RBFOX1: variants seen among roughly 807,000 people sequenced by gnomAD.
RBFOX1 encodes the protein RNA binding fox-1 homolog 1.
In RBFOX1, 8 loss-of-function variants were observed where a neutral mutation model predicts 57.7. That is an observed-to-expected ratio of 0.14 (90% CI 0.08 to 0.25). The LOEUF is 0.25. RBFOX1 is among the 10% of genes least tolerant of loss of function. RBFOX1 has a pLI of 1.00. For missense variants in RBFOX1, 611 were observed against 548.5 expected (o/e 1.11, Z -1.14); for synonymous variants, 326 against 222.4 (o/e 1.47, Z -4.15).
At chr16:6,485,007 G>T (rs72760956) in intron 2 of RBFOX1, among the ~76,000 whole-genome samples, 26,794 of 152,032 alleles carry the variant, frequency 0.18, 2,406 homozygotes, top group Middle Eastern at 0.21. Context: ...CCTATTTTTT[G>T]ATTTAAATGT....
intron 3 of RBFOX1, among the ~76,000 whole-genome samples, chr16:7,042,714 T>A (rs2046572279): frequency 6.6e-6 from 1 of 152,112 alleles, no homozygotes; most frequent in Non-Finnish European, 1.5e-5. Flanking sequence ...TCATTTGAGG[T>A]CAGGAGTTCA....
chr16:6,784,948 C>G (rs952658630), intron 3 of RBFOX1, among the ~76,000 whole-genome samples: 3 of 152,040 alleles, frequency 2.0e-5, no homozygotes, highest in Admixed American at 2.0e-4. Context: ...AGCAGTGTTT[C>G]TTAACTGCTC....
In RBFOX1 at chr16:7,287,600, T is replaced by C. The variant is rs372711245; in HGVS notation, c.28-230547T>C. 4.6e-5 allele frequency among the ~76,000 whole-genome samples: 7 copies of C among 152,290 alleles called. No homozygotes were observed. In the East Asian group the frequency reaches 1.2e-3, roughly 25 times the overall value. On this transcript the variant is annotated intron_variant, in intron 4 of 15. Transcript: ENST00000550418. ...AAATGGAAGAAGATAAAACCTTTTA[T>C]TTTTCCTTATAATGAAAGTACTTCA...
At chr16:7,554,491 G>A (rs1021899808) in intron 5 of RBFOX1, among the ~76,000 whole-genome samples, 5 of 152,024 alleles carry the variant, frequency 3.3e-5, no homozygotes, top group South Asian at 2.1e-4. Flanking sequence ...AGCCTGAGTC[G>A]TGTAGACTAA....
At chr16:5,871,534 C>T (rs930282476) in intron 4 of RBFOX1, among the ~76,000 whole-genome samples, 1 of 152,134 alleles carries the variant, frequency 6.6e-6, no homozygotes, top group Admixed American at 6.5e-5. Flanking sequence ...ACACATTTCC[C>T]CCCTATTTAT....
intron 4 of RBFOX1, among the ~76,000 whole-genome samples, chr16:7,174,819 A>C (rs139646334): frequency 2.0e-5 from 3 of 152,076 alleles, no homozygotes; most frequent in African/African-American, 7.2e-5. Flanking sequence ...CCATTAAAGT[A>C]TTTTTCCAAA....
rs562789424 is a variant in RBFOX1, at chr16:7,013,434, A to G, written c.-15-38623A>G. 2.6e-5 allele frequency among the ~76,000 whole-genome samples: 4 copies of G among 152,300 alleles called. No homozygotes were observed. The South Asian group carries it at 8.3e-4, about 32-fold the overall frequency. ...ATGTCTGGAGACATGTTTGGTTGCTACGACTGGGAAGAGGATGCTACTCGC... is the reference window on the plus strand; with the variant it reads ...ATGTCTGGAGACATGTTTGGTTGCTGCGACTGGGAAGAGGATGCTACTCGC... On this transcript the variant is annotated intron_variant, in intron 3 of 15. Coordinates refer to ENST00000550418, the MANE Select transcript of RBFOX1 (RefSeq NM_018723.4).
chr16:6,392,779 C>G (rs1285518670), intron 2 of RBFOX1, among the ~76,000 whole-genome samples: 1 of 152,206 alleles, frequency 6.6e-6, no homozygotes, highest in Non-Finnish European at 1.5e-5. Context: ...AATTAAAAAG[C>G]ATCCCTCAAA....
In RBFOX1 at chr16:5,834,616, A is replaced by AGATAGATT. The variant is rs1303254002; in HGVS notation, c.319-32684_319-32677dup. On this transcript the variant is annotated intron_variant, in intron 3 of 19. Transcript: ENST00000641259. ...TAGATAGATAGATAGATAGATAGAT[A>AGATAGATT]GATAGATTGACTGATTTGTTTTCTG... Among the ~76,000 whole-genome samples the AGATAGATT allele has an allele frequency of 3.2e-4, 49 of 151,600 alleles. 1 individual carries two copies. The highest frequency in any genetic ancestry group is 1.1e-3 in the African/African-American group (45 of 41,120).
intron 3 of RBFOX1, among the ~76,000 whole-genome samples, chr16:6,742,757 T>C (rs2072581517): frequency 6.6e-6 from 1 of 152,156 alleles, no homozygotes; most frequent in East Asian, 1.9e-4. Flanking sequence ...GACTATACAA[T>C]GTCATTTATA....
chr16:6,988,339 C>A (rs1425334460), intron 3 of RBFOX1, among the ~76,000 whole-genome samples: 6 of 152,098 alleles, frequency 3.9e-5, no homozygotes. Context: ...TGTTTATAAT[C>A]TTACTGTCCA....
At chr16:5,810,307 C>G (rs2055375350) in intron 3 of RBFOX1, among the ~76,000 whole-genome samples, 1 of 151,878 alleles carries the variant, frequency 6.6e-6, no homozygotes, top group Non-Finnish European at 1.5e-5. Context: ...CACATGTATC[C>G]TAAAACTTAA....
chr16:5,448,583 G>A (rs992655380), intron 1 of RBFOX1, among the ~76,000 whole-genome samples: 1 of 152,140 alleles, frequency 6.6e-6, no homozygotes, highest in Non-Finnish European at 1.5e-5. Flanking sequence ...AGACCCCATG[G>A]AACTGCACTG....
chr16:6,940,763 A>AGTGTGTGTGTGTGTGT (rs61349150), intron 3 of RBFOX1, among the ~76,000 whole-genome samples: 28 of 114,472 alleles, frequency 2.4e-4, no homozygotes, highest in South Asian at 6.5e-4. Context: ...ATGTCCCGCT[A>AGTGTGTGTGTGTGTGT]GTGTGTGTGT....
In RBFOX1 at chr16:7,712,054, C is replaced by T. The variant is rs1260571679; in HGVS notation, c.*1309C>T. 6.6e-6 allele frequency: 1 copy of T among 152,568 alleles called. No homozygotes were observed. The allele number at this position is 152,568 out of a possible 1,614,324, so 9.5% of individuals were successfully genotyped here. A position where few individuals can be genotyped will look rare whatever the true frequency, so the allele number is the denominator to read the frequency against. On this transcript the variant is annotated 3_prime_UTR_variant, in exon 16 of 16. Coordinates refer to ENST00000550418, the MANE Select transcript of RBFOX1 (RefSeq NM_018723.4). The stretch of plus-strand genomic sequence containing the variant: ...AAAAAGAAAAAAGTACATCCACCCT[C>T]TTAATCCCAAAAGAACAAAGTCTCC...
intron 4 of RBFOX1, among the ~76,000 whole-genome samples, chr16:7,511,104 C>T (rs775988325): frequency 5.9e-5 from 9 of 152,154 alleles, no homozygotes; most frequent in Non-Finnish European, 1.2e-4. Context: ...TTAAAGTCCA[C>T]CTGGACGGCT....
chr16:6,026,479 C>T (rs191817310), intron 1 of RBFOX1, among the ~76,000 whole-genome samples: 84 of 152,340 alleles, frequency 5.5e-4, no homozygotes, highest in African/African-American at 1.8e-3. Flanking sequence ...TCTGAGTCCA[C>T]AGCCCCTGAT....
At chr16:7,615,143 C>G (rs951769897) in intron 10 of RBFOX1, among the ~76,000 whole-genome samples, 1 of 152,118 alleles carries the variant, frequency 6.6e-6, no homozygotes, top group Non-Finnish European at 1.5e-5. Flanking sequence ...ACCATCCTGG[C>G]TAATACGGTG....
At chr16:6,384,522 G>A (rs1290665009) in intron 2 of RBFOX1, among the ~76,000 whole-genome samples, 2 of 152,142 alleles carry the variant, frequency 1.3e-5, no homozygotes, top group Admixed American at 1.3e-4. Context: ...GGCTTCTGAA[G>A]AGTGTGCATT....
Sources: gnomAD v4.1 joint callset for allele counts (sites outside exome capture counted in the v4.1 genomes callset) on GRCh38, gnomAD v4.1.1 for gene constraint, MANE v1.5 for transcripts, NCBI Gene and HGNC (gene_info 2026-07-23, HGNC 2026-07-21) for gene names.